The following SV2C variants were observed in gnomAD, a reference collection of about 807,000 sequenced individuals.
SV2C encodes the protein synaptic vesicle glycoprotein 2C.
A neutral mutation model predicts 79.7 loss-of-function variants in SV2C; 49 were observed. The ratio of observed to expected loss-of-function variants is 0.61; its 90% CI spans 0.49 to 0.78. The LOEUF (loss-of-function observed/expected upper bound fraction) is 0.78, where lower values mean the gene tolerates loss of function less well. Among genes scored for constraint, SV2C ranks in the 30% least tolerant of loss-of-function variants. The probability of loss-of-function intolerance (pLI) is 0.00; values close to 1 mark genes in which losing one functional copy is unlikely to be tolerated. For synonymous variants in SV2C, 334 were observed against 333.2 expected, an observed-to-expected ratio of 1.00 and a Z score of -0.03; for missense variants, 833 against 912.9, an observed-to-expected ratio of 0.91 and a Z score of 1.13.
the SV2C span, among the ~76,000 whole-genome samples, chr5:75,949,382 T>C: frequency 8.6e-5 from 12 of 139,708 alleles, no homozygotes; most frequent in African/African-American, 2.4e-4. Context: ...CAAGCTGTTA[T>C]ATTAACAGTA....
chr5:75,949,696 T>C, the SV2C span, among the ~76,000 whole-genome samples: 2 of 151,996 alleles, frequency 1.3e-5, no homozygotes, highest in Admixed American at 6.6e-5. Context: ...AGATATCCCT[T>C]CCACCTTCCA....
At chr5:75,908,319 A>G in the SV2C span, among the ~76,000 whole-genome samples, 18 of 152,220 alleles carry the variant, frequency 1.2e-4, no homozygotes, top group African/African-American at 4.3e-4. Flanking sequence ...GTATCTTACC[A>G]GTCACATAGT....
At chr5:76,223,836 T>C (rs1056882411) in intron 4 of SV2C, among the ~76,000 whole-genome samples, 8 of 152,136 alleles carry the variant, frequency 5.3e-5, no homozygotes, top group African/African-American at 1.9e-4. Context: ...CTCACAGTTC[T>C]GGATGCTTGA....
the SV2C span, among the ~76,000 whole-genome samples, chr5:75,851,355 G>T: frequency 2.0e-5 from 3 of 152,152 alleles, no homozygotes; most frequent in East Asian, 1.9e-4. Context: ...TTCAATTTTT[G>T]AGTTTATGTA....
the SV2C span, among the ~76,000 whole-genome samples, chr5:75,898,842 T>C: frequency 2.0e-5 from 3 of 152,364 alleles, no homozygotes; most frequent in African/African-American, 7.2e-5. Context: ...CTAGATTTTC[T>C]AGTTGATTTG....
rs142104448 is a variant in SV2C, at chr5:76,156,277, C to T, written c.580+23947C>T. ...TCTTGCCAAAGCCCTATTAGGGTAG[C>T]TGTGGACATACCCAAGGCTACATCC... is the stretch of plus-strand genomic sequence containing the variant. On this transcript the variant is annotated intron_variant, in intron 2 of 12. Transcript: ENST00000502798. Among the ~76,000 whole-genome samples, 221 of 152,266 alleles carry T rather than the reference C, an allele frequency of 1.5e-3. 1 individual carries two copies. Among genetic ancestry groups the T allele is most frequent in the African/African-American group, 5.3e-3 (219 of 41,552 alleles).
chr5:76,346,803 TCTGGCCCCTGCCTCCCA>T (rs912090502), intron 12 of SV2C, among the ~76,000 whole-genome samples: 3 of 152,186 alleles, frequency 2.0e-5, no homozygotes, highest in African/African-American at 7.2e-5. Context: ...CCCTCAGTGA[TCTGGCCCCTGCCTCCCA>T]CTGGCGCCTC....
At chr5:76,304,292 G>A (rs964289853) in intron 12 of SV2C, among the ~76,000 whole-genome samples, 2 of 152,154 alleles carry the variant, frequency 1.3e-5, no homozygotes, top group South Asian at 2.1e-4. Context: ...TGGTAAATTC[G>A]CTAGTATGAG....
At chr5:75,875,926 C>T in the SV2C span, among the ~76,000 whole-genome samples, 1 of 150,418 alleles carries the variant, frequency 6.6e-6, no homozygotes, top group Non-Finnish European at 1.5e-5. Flanking sequence ...CAACAAATAA[C>T]AGATGCTGAT....
intron 1 of SV2C, among the ~76,000 whole-genome samples, chr5:76,114,774 C>T (rs143593284): frequency 2.5e-3 from 375 of 152,316 alleles, no homozygotes; most frequent in East Asian, 7.9e-3. Flanking sequence ...CTGTGCTCGC[C>T]GGCTAGGGAA....
At chr5:75,901,665 TC>T in the SV2C span, among the ~76,000 whole-genome samples, 1 of 152,252 alleles carries the variant, frequency 6.6e-6, no homozygotes, top group Non-Finnish European at 1.5e-5. Flanking sequence ...GCTGTCTTTT[TC>T]TTTGTCTGTG....
chr5:75,934,635 C>T, the SV2C span, among the ~76,000 whole-genome samples: 8 of 152,056 alleles, frequency 5.3e-5, no homozygotes, highest in Admixed American at 2.6e-4. Context: ...CCTTGTTTTA[C>T]AGTAAGAAAT....
At chr5:76,162,569 C>T (rs931961652) in intron 2 of SV2C, among the ~76,000 whole-genome samples, 1 of 152,166 alleles carries the variant, frequency 6.6e-6, no homozygotes, top group African/African-American at 2.4e-5. Context: ...GTCTTATCAC[C>T]TCCAACCTCT....
At chr5:76,240,195 T>A (rs1273066618) in intron 4 of SV2C, among the ~76,000 whole-genome samples, 1 of 152,204 alleles carries the variant, frequency 6.6e-6, no homozygotes, top group Non-Finnish European at 1.5e-5. Flanking sequence ...GAGAACATAG[T>A]GTTGGTTCAG....
At chr5:76,037,260 A>G in the SV2C span, among the ~76,000 whole-genome samples, 3 of 152,328 alleles carry the variant, frequency 2.0e-5, no homozygotes, top group East Asian at 1.9e-4. Context: ...AAGTCATTCT[A>G]TGTACAGCTT....
At chr5:76,223,475 A>AC (rs1745141383) in intron 4 of SV2C, among the ~76,000 whole-genome samples, 1 of 71,156 alleles carries the variant, frequency 1.4e-5, no homozygotes, top group Non-Finnish European at 2.4e-5. Context: ...ATATATATAT[A>AC]TATATATATA....
intron 1 of SV2C, 119 bp downstream of exon 1, chr5:76,083,631 C>G (rs1747069417): frequency 6.6e-6 from 1 of 152,252 alleles, no homozygotes; most frequent in Non-Finnish European, 1.5e-5. Context: ...CTTTCGGAAG[C>G]GCAACTTTGC....
At chr5:76,187,947 G>A (rs144534312) in intron 2 of SV2C, among the ~76,000 whole-genome samples, 10 of 151,382 alleles carry the variant, frequency 6.6e-5, no homozygotes, top group East Asian at 5.8e-4. Context: ...TTCTCTTTAC[G>A]TGATGCCAAT....
At chr5:75,980,441 T>G in the SV2C span, among the ~76,000 whole-genome samples, 26 of 152,140 alleles carry the variant, frequency 1.7e-4, no homozygotes. Flanking sequence ...ATATCCTTGA[T>G]GAACATCAAG....
Sources: allele counts gnomAD v4.1 joint callset (sites outside exome capture counted in the v4.1 genomes callset), GRCh38; gene constraint gnomAD v4.1.1; transcripts MANE v1.5; gene names NCBI Gene and HGNC (gene_info 2026-07-23, HGNC 2026-07-21).